The following FGF10 variants were observed in gnomAD, a reference collection of about 807,000 sequenced individuals.
FGF10 encodes FGF-10.
Under a neutral mutation model 19.8 loss-of-function variants are expected in FGF10, and 2 were observed. That is an observed-to-expected ratio of 0.10 (90% CI 0.04 to 0.32). FGF10 has a LOEUF of 0.32. Among genes scored for constraint, FGF10 ranks in the 10% least tolerant of loss-of-function variants. The probability of loss-of-function intolerance (pLI) is 1.00; values close to 1 mark genes in which losing one functional copy is unlikely to be tolerated. For missense variants in FGF10, 191 were observed against 246.3 expected (o/e 0.78, Z 1.50); for synonymous variants, 112 against 94.0 (o/e 1.19, Z -1.10).
In FGF10 at chr5:44,302,074, AAT is replaced by A. The variant is rs1739976391; in HGVS notation, c.*2919_*2920del. 7.1e-6 allele frequency among the ~76,000 whole-genome samples: 1 copy of A among 140,778 alleles called. No individual in the cohort carries two copies. Among genetic ancestry groups the A allele is most frequent in the Admixed American group, 7.0e-5 (1 of 14,210 alleles). The allele number at this position is 140,778 out of a possible 152,430, so 92.4% of individuals were successfully genotyped here. On this transcript the variant is annotated 3_prime_UTR_variant, in exon 3 of 3. Coordinates refer to ENST00000264664, the MANE Select transcript of FGF10 (RefSeq NM_004465.2). ...CAGAGGCAGATCTCTCAATAGCTCC[AAT>A]TTTTTTTTTTTTCAAATCTACAACA...
chr5:44,337,864 C>T (rs1740888414), intron 1 of FGF10, among the ~76,000 whole-genome samples: 1 of 152,024 alleles, frequency 6.6e-6, no homozygotes, highest in Admixed American at 6.6e-5. Flanking sequence ...TCACTTGAAC[C>T]CGGGAGGTGG....
chr5:44,313,588 GT>G (rs11324688), intron 1 of FGF10, among the ~76,000 whole-genome samples: 18,502 of 146,648 alleles, frequency 0.13, 2,720 homozygotes, highest in African/African-American at 0.35. Flanking sequence ...ATAAAAAAAG[GT>G]TTTTTTTTTT....
chr5:44,322,281 C>T (rs975705226), intron 1 of FGF10, among the ~76,000 whole-genome samples: 1 of 152,122 alleles, frequency 6.6e-6, no homozygotes. Context: ...AGAATGAGAA[C>T]TGTGTTCAAG....
intron 1 of FGF10, among the ~76,000 whole-genome samples, chr5:44,330,043 G>T (rs1561203548): frequency 6.6e-6 from 1 of 152,078 alleles, no homozygotes; most frequent in African/African-American, 2.4e-5. Context: ...TCATTCTTGT[G>T]AGTTAAATAT....
intron 1 of FGF10, among the ~76,000 whole-genome samples, chr5:44,364,551 C>T (rs1313210496): frequency 6.6e-6 from 1 of 151,592 alleles, no homozygotes; most frequent in Non-Finnish European, 1.5e-5. Context: ...TTACCTGGTT[C>T]GAAATAGTGC....
At chr5:44,361,766 T>A (rs1205808596) in intron 1 of FGF10, among the ~76,000 whole-genome samples, 1 of 151,694 alleles carries the variant, frequency 6.6e-6, no homozygotes, top group Non-Finnish European at 1.5e-5. Context: ...TTTCTGTAAG[T>A]TTGCTTGAAA....
chr5:44,350,740 T>G (rs1290858707), intron 1 of FGF10, among the ~76,000 whole-genome samples: 1 of 150,726 alleles, frequency 6.6e-6, no homozygotes, highest in Non-Finnish European at 1.5e-5. Context: ...ATTCATTTCA[T>G]GAAAAAAAAA....
At chr5:44,341,488 T>C (rs534075948) in intron 1 of FGF10, among the ~76,000 whole-genome samples, 1 of 145,960 alleles carries the variant, frequency 6.9e-6, no homozygotes, top group Non-Finnish European at 1.5e-5. Context: ...TTCACTGCCT[T>C]GTTATTAAAA....
At chr5:44,330,590 TGA>T (rs1360006908) in intron 1 of FGF10, among the ~76,000 whole-genome samples, 2 of 152,204 alleles carry the variant, frequency 1.3e-5, no homozygotes, top group African/African-American at 2.4e-5. Flanking sequence ...TTTATTATAA[TGA>T]GGGGAAAACA....
Position 44,388,599 on chromosome 5 carries a change from G to C in FGF10, c.84C>G (p.Phe28Leu). 2 of 1,614,160 alleles carry C rather than the reference G, an allele frequency of 1.2e-6. No homozygotes were observed. The highest frequency in any genetic ancestry group is 1.7e-6 in the Non-Finnish European group (2 of 1,180,030). ...AGGTGACAGGGACGGAAGACACCAA[G>C]AACAGCAACAAAAAGCAGCAGCAGC... ...GCCCCCFLLLFLVSSVPVTCQ... is the reference protein window; with the variant it reads ...GCCCCCFLLLLLVSSVPVTCQ... Residue 28 changes from phenylalanine to leucine, a missense_variant, in exon 1 of 3, where the codon TTC becomes TTG. By Grantham distance (22) the Phe-to-Leu change is conservative. Transcript: ENST00000264664.
intron 1 of FGF10, among the ~76,000 whole-genome samples, chr5:44,381,177 T>A (rs919986061): frequency 1.3e-5 from 2 of 152,190 alleles, no homozygotes; most frequent in South Asian, 4.1e-4. Context: ...TATCAGTGGT[T>A]TGTCCACTTC....
chr5:44,388,781 C>T lies in FGF10; in HGVS notation c.-99G>A, dbSNP rs887932275. 1 of 1,274,288 alleles carries T rather than the reference C, an allele frequency of 7.8e-7. No individual in the cohort carries two copies. The highest frequency in any genetic ancestry group is 1.1e-6 in the Non-Finnish European group (1 of 888,070). The allele number at this position is 1,274,288 out of a possible 1,614,324, so 78.9% of individuals were successfully genotyped here. ...GCAAGGAGAGAGCTCGAGGTGGTGG[C>T]TGCTGGTTAGCTCCCTCTGGGCGCG... is the stretch of plus-strand genomic sequence containing the variant. On this transcript the variant is annotated 5_prime_UTR_variant, in exon 1 of 3. Coordinates refer to ENST00000264664, the MANE Select transcript of FGF10 (RefSeq NM_004465.2).
chr5:44,360,014 C>G (rs1055917749), intron 1 of FGF10, among the ~76,000 whole-genome samples: 1 of 151,366 alleles, frequency 6.6e-6, no homozygotes, highest in Non-Finnish European at 1.5e-5. Context: ...TTTTAAGAAC[C>G]CTAAGAGTTG....
chr5:44,357,665 G>T (rs1009576971), intron 1 of FGF10, among the ~76,000 whole-genome samples: 4 of 151,354 alleles, frequency 2.6e-5, no homozygotes, highest in Admixed American at 6.6e-5. Flanking sequence ...CAGTGTCCTT[G>T]CTCTTAACCA....
intron 1 of FGF10, among the ~76,000 whole-genome samples, chr5:44,329,836 G>A (rs1740690955): frequency 6.6e-6 from 1 of 152,100 alleles, no homozygotes; most frequent in African/African-American, 2.4e-5. Flanking sequence ...AGTCCCTACT[G>A]AATCTGGGCA....
At chr5:44,319,849 C>T (rs570364601) in intron 1 of FGF10, among the ~76,000 whole-genome samples, 1 of 152,180 alleles carries the variant, frequency 6.6e-6, no homozygotes, top group South Asian at 2.1e-4. Flanking sequence ...GGGCCTCCAA[C>T]CACTGGGCCA....
intron 1 of FGF10, among the ~76,000 whole-genome samples, chr5:44,354,549 G>A (rs1033116984): frequency 6.6e-6 from 1 of 151,278 alleles, no homozygotes; most frequent in South Asian, 2.1e-4. Context: ...CATTGTTACA[G>A]CAGAACCATA....
chr5:44,304,982 A>G lies in FGF10; in HGVS notation c.*13T>C. 6.2e-7 allele frequency: 1 copy of G among 1,613,446 alleles called. No individual in the cohort carries two copies. Among genetic ancestry groups the G allele is most frequent in the South Asian group, 1.1e-5 (1 of 91,060 alleles). ...GCCATTGGTTCTACTGCATCCACAA[A>G]CGTTGCCTTCCTCTATGAGTGTACC... On this transcript the variant is annotated 3_prime_UTR_variant, in exon 3 of 3. Transcript: ENST00000264664.
chr5:44,357,433 G>C (rs1309705450), intron 1 of FGF10, among the ~76,000 whole-genome samples: 4 of 151,460 alleles, frequency 2.6e-5, no homozygotes, highest in Non-Finnish European at 5.9e-5. Context: ...CTTTCTATCA[G>C]AGAAATGGAT....
Sources: allele counts gnomAD v4.1 joint callset (sites outside exome capture counted in the v4.1 genomes callset), GRCh38; gene constraint gnomAD v4.1.1; transcripts MANE v1.5; gene names NCBI Gene and HGNC (gene_info 2026-07-23, HGNC 2026-07-21).